The following ZNF85 variants were observed in gnomAD, a reference collection of about 807,000 sequenced individuals.
ZNF85 encodes zinc finger protein 85 (HPF4, HTF1).
In ZNF85, 50 loss-of-function variants were observed where a neutral mutation model predicts 53.9. The ratio of observed to expected loss-of-function variants is 0.93; its 90% confidence interval spans 0.74 to 1.17. The LOEUF (loss-of-function observed/expected upper bound fraction) is 1.17, where lower values mean the gene tolerates loss of function less well. Among genes scored for constraint, ZNF85 ranks in the 50% most tolerant of loss-of-function variants. The pLI is 0.00. For synonymous variants in ZNF85, 225 were observed against 226.1 expected (o/e 1.00, Z 0.04); for missense variants, 747 against 688.5 (o/e 1.08, Z -0.95).
chr19:20,950,645 C>T lies in ZNF85; in HGVS notation c.*343C>T. 1 of 185,508 alleles carries T rather than the reference C, an allele frequency of 5.4e-6. No individual in the cohort carries two copies. The allele number at this position is 185,508 out of a possible 1,614,324, so 11.5% of individuals were successfully genotyped here. A position where few individuals can be genotyped will look rare whatever the true frequency, so the allele number is the denominator to read the frequency against. On this transcript the variant is annotated 3_prime_UTR_variant, in exon 4 of 4. Transcript: ENST00000328178. ...AATGTGGAAAAGCCGTTAATATCTG[C>T]TCACATCTTACTCAGCATCAGAAAG...
chr19:20,923,652 C>T (rs1972811978), intron 1 of ZNF85, among the ~76,000 whole-genome samples: 1 of 152,204 alleles, frequency 6.6e-6, no homozygotes, highest in African/African-American at 2.4e-5. Flanking sequence ...GGCAGCTCTG[C>T]ATTCGCAGCA....
rs148403398 is a variant in ZNF85 at position 20,932,381 on chromosome 19, A to G, written c.4-1643A>G. Among the ~76,000 whole-genome samples, 1,176 of 152,006 alleles carry G rather than the reference A, an allele frequency of 7.7e-3. 17 individuals carry two copies. Among genetic ancestry groups the G allele is most frequent in the South Asian group, 0.033 (157 of 4,816 alleles). Reference sequence around the variant, plus strand: ...TCTTATGATAGTCAAGGGTGTCTGAAAAGTATTTTTTTTCTATATACCAGA... The same window carrying G: ...TCTTATGATAGTCAAGGGTGTCTGAGAAGTATTTTTTTTCTATATACCAGA... On this transcript the variant is annotated intron_variant, in intron 1 of 3. Transcript: ENST00000328178.
At chr19:20,940,280 C>T (rs1365824678) in intron 3 of ZNF85, among the ~76,000 whole-genome samples, 1 of 151,924 alleles carries the variant, frequency 6.6e-6, no homozygotes, top group Non-Finnish European at 1.5e-5. Context: ...CATCTGTAAT[C>T]CCAGAGATTT....
intron 1 of ZNF85, among the ~76,000 whole-genome samples, chr19:20,931,622 T>TTC (rs1568546869): frequency 9.4e-6 from 1 of 105,930 alleles, no homozygotes; most frequent in Non-Finnish European, 2.2e-5. Context: ...TTCTTTTTCT[T>TTC]TTTTTTTTTT....
In ZNF85 at chr19:20,947,488, C is replaced by CTTTTTT. The variant is rs768097517; in HGVS notation, c.230-1232_230-1227dup. On this transcript the variant is annotated intron_variant, in intron 3 of 3. Coordinates refer to ENST00000328178, the MANE Select transcript of ZNF85 (RefSeq NM_003429.5). ...GTAGGGCATATGCAGTGCCAATACA[C>CTTTTTT]TTTTTTTTTTTTTTTTTTTTTTTTT... 4.1e-4 allele frequency among the ~76,000 whole-genome samples: 21 copies of CTTTTTT among 51,636 alleles called. 3 individuals are homozygous for CTTTTTT. The highest frequency in any genetic ancestry group is 1.6e-3 in the East Asian group (2 of 1,254). 33.9% of individuals were successfully genotyped at this position (51,636 alleles called of 152,430 possible). A position where few individuals can be genotyped will look rare whatever the true frequency, so the allele number is the denominator to read the frequency against.
chr19:20,938,029 G>A (rs112469288), intron 3 of ZNF85, among the ~76,000 whole-genome samples: 1,816 of 152,228 alleles, frequency 0.012, 34 homozygotes, highest in African/African-American at 0.034. Context: ...GCTCTTAGAG[G>A]CACTTATTTT....
intron 3 of ZNF85, chr19:20,942,713 C>T: frequency 3.3e-6 from 2 of 600,156 alleles, no homozygotes; most frequent in East Asian, 3.1e-5. Flanking sequence ...TTCCTAGTTG[C>T]ATTCAGTTTT....
At position 20,925,455 on chromosome 19, in the gene ZNF85, C is replaced by CAAAA. The variant is rs71174767; in HGVS notation, c.3+2065_3+2068dup. On this transcript the variant is annotated intron_variant, in intron 1 of 3. Transcript: ENST00000328178. ...CTGGGTGAAAGAGCGAGACTGTATA[C>CAAAA]AAAAAAAAAAAAAAAAGATTGACTT... Among the ~76,000 whole-genome samples the CAAAA allele has an allele frequency of 5.2e-4, 51 of 97,224 alleles. 1 individual carries two copies. The highest frequency in any genetic ancestry group is 2.2e-3 in the South Asian group (7 of 3,118). 63.8% of individuals were successfully genotyped at this position (97,224 alleles called of 152,430 possible).
intron 3 of ZNF85, among the ~76,000 whole-genome samples, chr19:20,938,084 T>G (rs1044620509): frequency 2.6e-5 from 4 of 152,194 alleles, no homozygotes; most frequent in African/African-American, 9.7e-5. Flanking sequence ...CTTGTTTTTT[T>G]GTTTTTGAGA....
At chr19:20,945,281 CA>C (rs561779478) in intron 3 of ZNF85, among the ~76,000 whole-genome samples, 123 of 152,186 alleles carry the variant, frequency 8.1e-4, no homozygotes, top group African/African-American at 2.9e-3. Flanking sequence ...AAACAACTAC[CA>C]ATTTTTTCCA....
At chr19:20,938,902 GTATTT>G (rs1306940545) in intron 3 of ZNF85, among the ~76,000 whole-genome samples, 2 of 151,440 alleles carry the variant, frequency 1.3e-5, no homozygotes, top group African/African-American at 2.4e-5. Flanking sequence ...GTGTGTGTGT[GTATTT>G]TATTTAGCAG....
chr19:20,949,323 T>C lies in ZNF85; in HGVS notation c.809T>C (p.Phe270Ser), dbSNP rs11670246. Residue 270 changes from phenylalanine to serine, a missense_variant, in exon 4 of 4, where the codon TTC (phenylalanine) becomes TCC (serine). By Grantham distance (155) the Phe-to-Ser change is radical. Transcript: ENST00000328178. ...GAATGTGGCAAAACTTTTAACCGAT[T>C]CTCAACTCTTACTACCCATAAGATA... is the stretch of plus-strand genomic sequence containing the variant. The part of the protein sequence containing the change: ...CEECGKTFNR[F>S]STLTTHKIIH... The C allele has an allele frequency of 0.12, 195,604 of 1,610,684 alleles. 12,245 individuals carry two copies. The highest frequency in any genetic ancestry group is 0.13 in the Non-Finnish European group (151,618 of 1,178,892).
chr19:20,949,060 A>C lies in ZNF85; in HGVS notation c.546A>C (p.Ser182=). 1 of 1,613,870 alleles carries C rather than the reference A, an allele frequency of 6.2e-7. No homozygotes were observed. Among genetic ancestry groups the C allele is most frequent in the Non-Finnish European group, 8.5e-7 (1 of 1,179,828 alleles). Residue 182 remains serine (S), a synonymous_variant, in exon 4 of 4, where the codon TCA becomes TCC. Transcript: ENST00000328178. ...TCAAATGTACAAAATGTGGCAAATCATTTGGCATGATTTCATGCCTAACTG... is the reference window on the plus strand; with the variant it reads ...TCAAATGTACAAAATGTGGCAAATCCTTTGGCATGATTTCATGCCTAACTG... ...KPFKCTKCGK[S]FGMISCLTEH...
At chr19:20,937,217 A>C (rs893973359) in intron 3 of ZNF85, 1 of 409,512 alleles carries the variant, frequency 2.4e-6, no homozygotes, top group Admixed American at 2.8e-5. Context: ...ATTTTAGTAG[A>C]GACGAAGTTT....
chr19:20,946,282 CT>C (rs1221328834), intron 3 of ZNF85: 16 of 387,298 alleles, frequency 4.1e-5, no homozygotes, highest in Admixed American at 7.6e-5. Flanking sequence ...GTTAAGACTT[CT>C]TTTTTTGTCC....
At chr19:20,931,620 C>CTTTTTTTTTTTTTTTTTTTTTTTTT (rs1156835317) in intron 1 of ZNF85, among the ~76,000 whole-genome samples, 1 of 119,468 alleles carries the variant, frequency 8.4e-6, no homozygotes, top group Non-Finnish European at 1.7e-5. Flanking sequence ...TTTTCTTTTT[C>CTTTTTTTTTTTTTTTTTTTTTTTTT]TTTTTTTTTT....
In ZNF85 at chr19:20,942,930, T is replaced by A; in HGVS notation, c.230-5814T>A. 6.9e-6 allele frequency: 4 copies of A among 581,326 alleles called. No individual in the cohort carries two copies. The South Asian group carries it at 8.0e-5, about 12-fold the overall frequency. The allele number at this position is 581,326 out of a possible 1,614,324, so 36.0% of individuals were successfully genotyped here. On this transcript the variant is annotated intron_variant, in intron 3 of 3. Transcript: ENST00000328178. The stretch of plus-strand genomic sequence containing the variant: ...AGCTTGGACTACAGACATGCAGTAC[T>A]ATGCCTGGCTAATTTTTTGATTATT...
In ZNF85 at chr19:20,934,095, G is replaced by A. The variant is rs746444318; in HGVS notation, c.75G>A (p.Gln25=). Residue 25 remains glutamine, a synonymous_variant, in exon 2 of 4, where the codon CAG becomes CAA. Coordinates refer to ENST00000328178, the MANE Select transcript of ZNF85 (RefSeq NM_003429.5). ...LKEWQCLDTA[Q]RNLYRNVMLE... Reference sequence around the variant, plus strand: ...AGTGGCAATGCCTGGACACTGCACAGCGGAATTTATATAGAAATGTGATGT... The same window carrying A: ...AGTGGCAATGCCTGGACACTGCACAACGGAATTTATATAGAAATGTGATGT... The A allele has an allele frequency of 6.2e-7, 1 of 1,612,768 alleles. No individual in the cohort carries two copies.
intron 3 of ZNF85, chr19:20,946,439 T>TG (rs373723158): frequency 2.3e-5 from 8 of 345,046 alleles, no homozygotes; most frequent in Non-Finnish European, 4.4e-5. Context: ...CTAATATTCT[T>TG]TTTTTTTATT....
Sources: allele counts gnomAD v4.1 joint callset (sites outside exome capture counted in the v4.1 genomes callset), GRCh38; gene constraint gnomAD v4.1.1; transcripts MANE v1.5; gene names NCBI Gene and HGNC (gene_info 2026-07-23, HGNC 2026-07-21).